Variants in BMPR1A observed in about 807,000 individuals in gnomAD.
BMPR1A encodes bone morphogenetic protein receptor type-1A.
In BMPR1A, 7 loss-of-function variants were observed where a neutral mutation model predicts 66.0. That is an observed-to-expected ratio of 0.11 (90% CI 0.06 to 0.20). The LOEUF (loss-of-function observed/expected upper bound fraction) is 0.20, where lower values mean the gene tolerates loss of function less well. Among genes scored for constraint, BMPR1A ranks in the 10% least tolerant of loss-of-function variants. The pLI is 1.00. For missense variants in BMPR1A, 408 were observed against 669.1 expected, an observed-to-expected ratio of 0.61 and a Z score of 4.31; for synonymous variants, 200 against 229.7, an observed-to-expected ratio of 0.87 and a Z score of 1.17.
rs1362341969 is a variant in BMPR1A, at chr10:86,797,887, G to T, written c.-268+40968G>T. Among the ~76,000 whole-genome samples the T allele has an allele frequency of 2.6e-4, 39 of 152,058 alleles. 2 individuals are homozygous for T. The highest frequency in any genetic ancestry group is 4.1e-4 in the Non-Finnish European group (28 of 67,998). On this transcript the variant is annotated intron_variant, in intron 1 of 12. Transcript: ENST00000372037. ...ATTGGGTTGGTTGCTGTAGGATATT[G>T]TCATTTAAATTATTAAGTGAATATA...
At chr10:86,763,793 T>TG (rs1213570405) in intron 1 of BMPR1A, among the ~76,000 whole-genome samples, 1 of 147,870 alleles carries the variant, frequency 6.8e-6, no homozygotes, top group Non-Finnish European at 1.5e-5. Context: ...GATAGTTGTT[T>TG]TTTTTTTTTT....
At chr10:86,885,362 G>A (rs1028082924) in intron 3 of BMPR1A, among the ~76,000 whole-genome samples, 65 of 152,148 alleles carry the variant, frequency 4.3e-4, no homozygotes, top group African/African-American at 1.4e-3. Flanking sequence ...TTTGCATTGT[G>A]TCGGCAGAAT....
intron 1 of BMPR1A, among the ~76,000 whole-genome samples, chr10:86,763,864 C>T (rs543970625): frequency 2.1e-5 from 3 of 146,230 alleles, no homozygotes; most frequent in African/African-American, 7.6e-5. Flanking sequence ...CATGTTGGCT[C>T]ACTGCAAGCT....
chr10:86,863,902 C>T (rs188910308), intron 2 of BMPR1A, among the ~76,000 whole-genome samples: 70 of 152,298 alleles, frequency 4.6e-4, no homozygotes, highest in Non-Finnish European at 8.8e-4. Context: ...ATTGCTTTTG[C>T]ATTGTACAAG....
chr10:86,895,610 A>G (rs954522341), intron 5 of BMPR1A, among the ~76,000 whole-genome samples: 6 of 152,188 alleles, frequency 3.9e-5, no homozygotes, highest in African/African-American at 1.4e-4. Context: ...ATGTGAATAC[A>G]TTGTCTTGAT....
At chr10:86,787,674 G>T (rs1019945028) in intron 1 of BMPR1A, among the ~76,000 whole-genome samples, 1 of 152,136 alleles carries the variant, frequency 6.6e-6, no homozygotes, top group African/African-American at 2.4e-5. Flanking sequence ...AGTTTATAAA[G>T]AAAAGAGAAT....
At chr10:86,827,979 G>A (rs918896559) in intron 1 of BMPR1A, among the ~76,000 whole-genome samples, 9 of 152,090 alleles carry the variant, frequency 5.9e-5, no homozygotes, top group Admixed American at 4.6e-4. Flanking sequence ...TGGTGAAACC[G>A]CATTTCTACT....
At chr10:86,819,190 T>C (rs1233103744) in intron 1 of BMPR1A, among the ~76,000 whole-genome samples, 1 of 152,204 alleles carries the variant, frequency 6.6e-6, no homozygotes, top group African/African-American at 2.4e-5. Flanking sequence ...TTGCTACTTA[T>C]TTTTTAAAGC....
chr10:86,767,821 G>T (rs1841192572), intron 1 of BMPR1A, among the ~76,000 whole-genome samples: 1 of 152,052 alleles, frequency 6.6e-6, no homozygotes, highest in South Asian at 2.1e-4. Flanking sequence ...CCCTTCCTTG[G>T]GAGTTTTGCA....
At chr10:86,766,393 T>C (rs1467185805) in intron 1 of BMPR1A, among the ~76,000 whole-genome samples, 1 of 152,186 alleles carries the variant, frequency 6.6e-6, no homozygotes, top group Non-Finnish European at 1.5e-5. Flanking sequence ...TTAGATTATT[T>C]CCATTTTTTT....
chr10:86,774,373 T>G (rs1264067394), intron 1 of BMPR1A, among the ~76,000 whole-genome samples: 1 of 152,066 alleles, frequency 6.6e-6, no homozygotes, highest in African/African-American at 2.4e-5. Context: ...TCAAGGATTG[T>G]CTTGGACCAT....
intron 2 of BMPR1A, chr10:86,843,645 G>C (rs2032436099): frequency 6.6e-6 from 1 of 152,230 alleles, no homozygotes; most frequent in Admixed American, 6.5e-5. Context: ...GAGGTTATGT[G>C]AGCTGAGCTT....
intron 3 of BMPR1A, among the ~76,000 whole-genome samples, chr10:86,882,546 G>A (rs1481028094): frequency 6.6e-6 from 1 of 152,032 alleles, no homozygotes; most frequent in Non-Finnish European, 1.5e-5. Flanking sequence ...GGAGTGGGAA[G>A]GGGATTAGAT....
Position 86,774,814 on chromosome 10 carries a change from G to A in BMPR1A, c.-268+17895G>A, listed in dbSNP as rs565733752. Among the ~76,000 whole-genome samples, 4 of 152,260 alleles carry A rather than the reference G, an allele frequency of 2.6e-5. No homozygotes were observed. In the East Asian group the frequency reaches 5.8e-4, roughly 22 times the overall value. On this transcript the variant is annotated intron_variant, in intron 1 of 12. Coordinates refer to ENST00000372037, the MANE Select transcript of BMPR1A (RefSeq NM_004329.3). ...CATTTACACTAAATAAATCTAAGGA[G>A]GAAAACAATACAACCATCTCAGTTA...
chr10:86,845,587 T>A (rs1240053151), intron 2 of BMPR1A, among the ~76,000 whole-genome samples: 1 of 152,182 alleles, frequency 6.6e-6, no homozygotes, highest in African/African-American at 2.4e-5. Context: ...AGGGGTGAGC[T>A]GCAGAGCACC....
At chr10:86,879,570 C>T (rs1209305252) in intron 3 of BMPR1A, among the ~76,000 whole-genome samples, 3 of 152,174 alleles carry the variant, frequency 2.0e-5, no homozygotes, top group African/African-American at 4.8e-5. Context: ...CTGGGTACCA[C>T]ATTTGTTGAC....
At chr10:86,877,209 CTTTT>C (rs10645210) in intron 3 of BMPR1A, among the ~76,000 whole-genome samples, 1 of 138,398 alleles carries the variant, frequency 7.2e-6, no homozygotes. Context: ...ATATTTTCAT[CTTTT>C]TTTTTTTTTT....
intron 1 of BMPR1A, among the ~76,000 whole-genome samples, chr10:86,808,757 C>A (rs1478217736): frequency 6.6e-6 from 1 of 152,182 alleles, no homozygotes; most frequent in East Asian, 1.9e-4. Context: ...AAGATTATTT[C>A]TTTACAATCA....
chr10:86,864,413 C>G (rs890632916), intron 2 of BMPR1A, among the ~76,000 whole-genome samples: 5 of 152,176 alleles, frequency 3.3e-5, no homozygotes, highest in Admixed American at 2.0e-4. Flanking sequence ...CCTTCCGTAG[C>G]CTGTCTAATG....
Sources: allele counts gnomAD v4.1 joint callset (sites outside exome capture counted in the v4.1 genomes callset), GRCh38; gene constraint gnomAD v4.1.1; transcripts MANE v1.5; gene names NCBI Gene and HGNC (gene_info 2026-07-23, HGNC 2026-07-21).